The following CELF2 variants were observed in gnomAD, a reference collection of about 807,000 sequenced individuals.
CELF2 encodes CUGBP Elav-like family member 2, also known as CUG triplet repeat RNA-binding protein 2.
In CELF2, 8 loss-of-function variants were observed where a neutral mutation model predicts 62.6. That is an observed-to-expected ratio of 0.13 (90% CI 0.07 to 0.23). The LOEUF (loss-of-function observed/expected upper bound fraction) is 0.23, where lower values mean the gene tolerates loss of function less well. Among genes scored for constraint, CELF2 ranks in the 10% least tolerant of loss-of-function variants. The pLI, the probability that CELF2 is intolerant of heterozygous loss-of-function variation, is 1.00. For missense variants in CELF2, 333 were observed against 671.0 expected, an observed-to-expected ratio of 0.50 and a Z score of 5.56; for synonymous variants, 258 against 250.0, an observed-to-expected ratio of 1.03 and a Z score of -0.30.
chr10:10,602,152 G>C, the CELF2 span, among the ~76,000 whole-genome samples: 12 of 152,088 alleles, frequency 7.9e-5, no homozygotes, highest in African/African-American at 2.9e-4. Flanking sequence ...ATGGGCATTT[G>C]GGTTGATTCC....
intron 8 of CELF2, among the ~76,000 whole-genome samples, chr10:11,284,796 ATGG>A (rs1221903195): frequency 7.1e-6 from 1 of 140,714 alleles, no homozygotes; most frequent in Non-Finnish European, 1.5e-5. Context: ...TGGTGGATGG[ATGG>A]TGGGCGGATG....
intron 2 of CELF2, among the ~76,000 whole-genome samples, chr10:11,200,185 TCAAGAAC>T (rs1263427312): frequency 3.9e-5 from 6 of 152,334 alleles, no homozygotes; most frequent in Non-Finnish European, 7.4e-5. Flanking sequence ...CAAATAGTTT[TCAAGAAC>T]CAGTTCGCCC....
At chr10:10,942,143 T>G (rs914521488) in intron 2 of CELF2, among the ~76,000 whole-genome samples, 10 of 152,202 alleles carry the variant, frequency 6.6e-5, no homozygotes, top group African/African-American at 2.4e-4. Flanking sequence ...TGTGATTCTT[T>G]TCTACTCTTG....
chr10:11,283,159 G>C (rs1280853027), intron 8 of CELF2, among the ~76,000 whole-genome samples: 1 of 152,226 alleles, frequency 6.6e-6, no homozygotes, highest in Non-Finnish European at 1.5e-5. Context: ...CAGGCTGGAA[G>C]GGATGACATC....
chr10:11,273,980 C>G (rs538490697), intron 7 of CELF2, among the ~76,000 whole-genome samples: 4 of 141,520 alleles, frequency 2.8e-5, no homozygotes, highest in South Asian at 2.4e-4. Context: ...CCCCCCCCCC[C>G]ACCTTGGCCT....
chr10:11,144,166 A>T lies in CELF2; in HGVS notation c.75-21320A>T, dbSNP rs78757459. 4.6e-5 allele frequency among the ~76,000 whole-genome samples: 7 copies of T among 152,042 alleles called. No homozygotes were observed. In the East Asian group the frequency reaches 1.2e-3, roughly 25 times the overall value. On this transcript the variant is annotated intron_variant, in intron 1 of 12. Transcript: ENST00000633077. Reference sequence around the variant, plus strand: ...TTCACAGTAATTGCCTTCGGAAGACATTTGCAGCTCTGCATTTACAACTTA... The same window carrying T: ...TTCACAGTAATTGCCTTCGGAAGACTTTTGCAGCTCTGCATTTACAACTTA...
chr10:10,908,250 T>C (rs2063513998), intron 1 of CELF2, among the ~76,000 whole-genome samples: 1 of 54,350 alleles, frequency 1.8e-5, no homozygotes, highest in Admixed American at 3.0e-4. Flanking sequence ...AACAGAGTCT[T>C]GCTCTGTCGC....
At chr10:10,508,921 G>C in the CELF2 span, among the ~76,000 whole-genome samples, 1 of 151,950 alleles carries the variant, frequency 6.6e-6, no homozygotes, top group Non-Finnish European at 1.5e-5. Context: ...TGATCCACTC[G>C]CCTCGGCCTC....
In CELF2 at chr10:11,191,050, C is replaced by T. The variant is rs1376785544; in HGVS notation, c.271+25368C>T. 6.6e-6 allele frequency among the ~76,000 whole-genome samples: 1 copy of T among 152,136 alleles called. No individual in the cohort carries two copies. The highest frequency in any genetic ancestry group is 1.5e-5 in the Non-Finnish European group (1 of 68,034). On this transcript the variant is annotated intron_variant, in intron 2 of 12. Transcript: ENST00000633077. This position sits in a 1 kb window ranked among gnomAD's most constrained non-coding sequence, Gnocchi z 4.1. ...ACATCCTGGTCATGTGTACAGAAAA[C>T]TTAGAAGTAAATTAGGGTTTAAATC...
At chr10:11,265,187 AACAATCTGCTGG>A (rs368044743) in intron 5 of CELF2, among the ~76,000 whole-genome samples, 21 of 152,364 alleles carry the variant, frequency 1.4e-4, no homozygotes, top group African/African-American at 4.6e-4. Flanking sequence ...ACATAAACCA[AACAATCTGCTGG>A]TTGTTTGAAT....
the CELF2 span, among the ~76,000 whole-genome samples, chr10:10,749,552 G>T: frequency 1.3e-5 from 2 of 152,138 alleles, no homozygotes; most frequent in East Asian, 1.9e-4. Context: ...AAGGAGGAAG[G>T]GTGAATAGTA....
the CELF2 span, among the ~76,000 whole-genome samples, chr10:10,682,556 G>A: frequency 2.6e-5 from 4 of 152,334 alleles, no homozygotes; most frequent in South Asian, 4.1e-4. Context: ...TGCTAGACAA[G>A]TAGTGAGGGT....
At chr10:11,013,456 G>T (rs1158954755), upstream of CELF2, among the ~76,000 whole-genome samples, 1 of 152,152 alleles carries the variant, frequency 6.6e-6, no homozygotes. This position sits in a 1 kb window ranked among gnomAD's most constrained non-coding sequence, Gnocchi z 4.1. Context: ...TCCCTCCTTT[G>T]CGAGTGAGAA....
chr10:10,928,746 C>T lies in CELF2; in HGVS notation c.89+8747C>T, dbSNP rs1449166275. On this transcript the variant is annotated intron_variant, in intron 2 of 13. Transcript: ENST00000636488. The surrounding 1 kb of genome is among the most constrained non-coding windows in gnomAD (Gnocchi z 4.8). ...GTTCCCAAAGACCCCAGTTTTAACC[C>T]CTATCCTAGCATCTGTGTCATCCAA... Among the ~76,000 whole-genome samples the T allele has an allele frequency of 1.3e-5, 2 of 152,108 alleles. No homozygotes were observed. Among genetic ancestry groups the T allele is most frequent in the Non-Finnish European group, 2.9e-5 (2 of 68,020 alleles).
At chr10:10,887,779 T>A (rs994012688) in intron 1 of CELF2, among the ~76,000 whole-genome samples, 7 of 151,258 alleles carry the variant, frequency 4.6e-5, no homozygotes, top group Non-Finnish European at 7.4e-5. Context: ...CTTTTATTTT[T>A]TTTTTTTTTT....
At chr10:10,891,952 C>T (rs1398950834) in intron 1 of CELF2, among the ~76,000 whole-genome samples, 1 of 152,218 alleles carries the variant, frequency 6.6e-6, no homozygotes, top group Non-Finnish European at 1.5e-5. Flanking sequence ...CAACCATTCA[C>T]TCTTGAGCAG....
chr10:10,706,035 A>T, the CELF2 span, among the ~76,000 whole-genome samples: 5 of 152,250 alleles, frequency 3.3e-5, no homozygotes, highest in South Asian at 1.0e-3. Flanking sequence ...GAACTATTTA[A>T]AATGTCTTTA....
At chr10:10,607,969 CTA>C in the CELF2 span, among the ~76,000 whole-genome samples, 2 of 151,816 alleles carry the variant, frequency 1.3e-5, no homozygotes, top group Admixed American at 1.3e-4. Flanking sequence ...TCTTCTAAAA[CTA>C]CAAAAATTAG....
chr10:11,111,581 G>C (rs2143016892), intron 1 of CELF2, among the ~76,000 whole-genome samples: 1 of 152,192 alleles, frequency 6.6e-6, no homozygotes, highest in African/African-American at 2.4e-5. Flanking sequence ...AACTGTTGTT[G>C]CTTATGGATT....
Sources: gnomAD v4.1 joint callset for allele counts (sites outside exome capture counted in the v4.1 genomes callset) on GRCh38, gnomAD v4.1.1 for gene constraint, Gnocchi (gnomAD v3.1) non-coding constraint, MANE v1.5 for transcripts, NCBI Gene and HGNC (gene_info 2026-07-23, HGNC 2026-07-21) for gene names.